Variants in RIT2 observed in about 807,000 individuals in gnomAD.
RIT2 encodes GTP-binding protein Rit2.
A neutral mutation model predicts 23.7 loss-of-function variants in RIT2; 24 were observed. The observed-to-expected ratio is 1.01, with a 90% confidence interval of 0.73 to 1.43. RIT2 has a LOEUF of 1.43. Ranked by LOEUF, RIT2 falls within the 40% of genes most tolerant of loss-of-function variation. The pLI is 0.00. For synonymous variants in RIT2, 107 were observed against 91.1 expected (o/e 1.17, Z -0.99); for missense variants, 236 against 266.9 (o/e 0.88, Z 0.81).
At chr18:43,043,999 GCAGAACAGCACC>G (rs1361635870) in intron 1 of RIT2, among the ~76,000 whole-genome samples, 1 of 152,028 alleles carries the variant, frequency 6.6e-6, no homozygotes, top group Non-Finnish European at 1.5e-5. Flanking sequence ...AGGAAGCATG[GCAGAACAGCACC>G]CAGCACCTAG....
chr18:43,047,913 G>A (rs1342775118), intron 1 of RIT2, among the ~76,000 whole-genome samples: 3 of 152,144 alleles, frequency 2.0e-5, no homozygotes, highest in Admixed American at 1.3e-4. Flanking sequence ...CCATCATGGA[G>A]TGGAGGCTGA....
intron 4 of RIT2, among the ~76,000 whole-genome samples, chr18:42,751,506 T>A (rs552895389): frequency 1.3e-5 from 2 of 151,916 alleles, no homozygotes; most frequent in Non-Finnish European, 2.9e-5. Context: ...AGAAATAAAA[T>A]TAGTAAACAA....
chr18:42,811,499 A>G (rs1905848475), intron 4 of RIT2, among the ~76,000 whole-genome samples: 2 of 152,128 alleles, frequency 1.3e-5, no homozygotes, highest in South Asian at 2.1e-4. Context: ...ATCTGACAAG[A>G]GTTCCAAAAC....
chr18:43,078,587 TG>T (rs1461583262), intron 1 of RIT2, among the ~76,000 whole-genome samples: 2 of 152,172 alleles, frequency 1.3e-5, no homozygotes, highest in African/African-American at 4.8e-5. Flanking sequence ...TAAACATCAC[TG>T]GCTCTGTGTA....
intron 1 of RIT2, among the ~76,000 whole-genome samples, chr18:43,111,992 C>T (rs1913964663): frequency 6.6e-6 from 1 of 150,890 alleles, no homozygotes; most frequent in African/African-American, 2.4e-5. Context: ...AATATAAATA[C>T]AAATATTAAT....
intron 4 of RIT2, among the ~76,000 whole-genome samples, chr18:42,880,930 C>T (rs1410618320): frequency 6.6e-6 from 1 of 151,836 alleles, no homozygotes; most frequent in East Asian, 1.9e-4. Context: ...GCCTCAGCCT[C>T]CCAAGTAGCT....
At chr18:43,078,198 GA>G (rs1278644537) in intron 1 of RIT2, among the ~76,000 whole-genome samples, 1 of 152,086 alleles carries the variant, frequency 6.6e-6, no homozygotes, top group Non-Finnish European at 1.5e-5. Flanking sequence ...CTCCCTGGCT[GA>G]GATTTCAAAT....
intron 4 of RIT2, among the ~76,000 whole-genome samples, chr18:42,770,109 G>C (rs952682274): frequency 1.3e-5 from 2 of 152,000 alleles, no homozygotes; most frequent in African/African-American, 4.8e-5. Flanking sequence ...TCAAGAATTG[G>C]TGTTTGGGGC....
intron 1 of RIT2, among the ~76,000 whole-genome samples, chr18:43,070,278 A>T (rs1221036837): frequency 6.6e-6 from 1 of 152,180 alleles, no homozygotes; most frequent in Non-Finnish European, 1.5e-5. Context: ...TTTCACCAGG[A>T]CCTGAAAGCT....
At chr18:42,863,751 G>C (rs1433258851) in intron 4 of RIT2, among the ~76,000 whole-genome samples, 1 of 152,084 alleles carries the variant, frequency 6.6e-6, no homozygotes, top group Non-Finnish European at 1.5e-5. Context: ...TATTTTAGCA[G>C]TGCAAAAGCT....
rs1912189602 is a variant in RIT2 at position 43,044,007 on chromosome 18, G to A, written c.104-10140C>T. 7.9e-5 allele frequency among the ~76,000 whole-genome samples: 12 copies of A among 152,176 alleles called. No individual in the cohort carries two copies. The South Asian group carries it at 2.5e-3, about 32-fold the overall frequency. ...TGCCCAGAGGAAGCATGGCAGAACA[G>A]CACCCAGCACCTAGGCAGCCAAGCT... On this transcript the variant is annotated intron_variant, in intron 1 of 4. Coordinates refer to ENST00000326695, the MANE Select transcript of RIT2 (RefSeq NM_002930.4).
intron 4 of RIT2, among the ~76,000 whole-genome samples, chr18:42,830,901 T>C (rs1324947176): frequency 6.6e-6 from 1 of 152,180 alleles, no homozygotes; most frequent in Non-Finnish European, 1.5e-5. Context: ...GGGTCACCAA[T>C]TTTACTTTTG....
chr18:43,090,733 G>A (rs190961208), intron 1 of RIT2, among the ~76,000 whole-genome samples: 26 of 152,202 alleles, frequency 1.7e-4, no homozygotes, highest in African/African-American at 5.5e-4. Flanking sequence ...GATGGAGCAA[G>A]TTTGCTAAGG....
intron 4 of RIT2, among the ~76,000 whole-genome samples, chr18:42,786,516 A>G (rs1414354560): frequency 1.3e-5 from 2 of 152,234 alleles, no homozygotes; most frequent in Non-Finnish European, 2.9e-5. Context: ...ACACAGAGAT[A>G]CTGAAATACA....
chr18:43,047,784 T>TTATAATAAA (rs1912283011), intron 1 of RIT2, among the ~76,000 whole-genome samples: 1 of 152,136 alleles, frequency 6.6e-6, no homozygotes, highest in South Asian at 2.1e-4. Flanking sequence ...TGGGACAATT[T>TTATAATAAA]AATAATAGAT....
At chr18:42,892,611 T>C (rs1908211005) in intron 4 of RIT2, among the ~76,000 whole-genome samples, 1 of 152,238 alleles carries the variant, frequency 6.6e-6, no homozygotes, top group South Asian at 2.1e-4. Flanking sequence ...CTTGAAAATG[T>C]AGTTGAAGAA....
chr18:43,001,749 T>G (rs1911113051), intron 2 of RIT2, among the ~76,000 whole-genome samples: 2 of 152,046 alleles, frequency 1.3e-5, no homozygotes, highest in African/African-American at 4.8e-5. Flanking sequence ...TTTACGTTAT[T>G]AACCCTCTAA....
rs142592428 is a variant in RIT2, at chr18:42,952,233, A to G, written c.234+21841T>C. On this transcript the variant is annotated intron_variant, in intron 3 of 4. Coordinates refer to ENST00000326695, the MANE Select transcript of RIT2 (RefSeq NM_002930.4). ...AGGAAATCCTGCCATTTATAACACT[A>G]TGGATGAACATTGAGGACATTATAA... is the stretch of plus-strand genomic sequence containing the variant. Among the ~76,000 whole-genome samples, 727 of 152,286 alleles carry G rather than the reference A, an allele frequency of 4.8e-3. 5 individuals carry two copies. The highest frequency in any genetic ancestry group is 0.015 in the African/African-American group (624 of 41,580).
At chr18:43,051,485 A>G (rs1489223617) in intron 1 of RIT2, among the ~76,000 whole-genome samples, 1 of 152,094 alleles carries the variant, frequency 6.6e-6, no homozygotes, top group South Asian at 2.1e-4. Context: ...CAAGACAAAA[A>G]ATTTCCATCC....
Sources: allele counts gnomAD v4.1 joint callset (sites outside exome capture counted in the v4.1 genomes callset), GRCh38; gene constraint gnomAD v4.1.1; transcripts MANE v1.5; gene names NCBI Gene and HGNC (gene_info 2026-07-23, HGNC 2026-07-21).